NTRK1: variants seen among roughly 807,000 people sequenced by gnomAD.
NTRK1 encodes neurotrophic receptor tyrosine kinase 1.
NTRK1 carries 62 observed loss-of-function variants against 86.8 expected under a neutral mutation model. The ratio of observed to expected loss-of-function variants is 0.71; its 90% CI spans 0.58 to 0.88. The LOEUF (loss-of-function observed/expected upper bound fraction) is 0.88, where lower values mean the gene tolerates loss of function less well. Ranked by LOEUF, NTRK1 falls within the 40% of genes least tolerant of loss-of-function variation. NTRK1 has a pLI of 0.00. For missense variants in NTRK1, 967 were observed against 1,078.4 expected (o/e 0.90, Z 1.45); for synonymous variants, 469 against 456.6 (o/e 1.03, Z -0.35).
intron 2 of NTRK1, among the ~76,000 whole-genome samples, chr1:156,855,208 CTATT>C (rs71593865): frequency 4.0e-5 from 6 of 151,756 alleles, no homozygotes; most frequent in Admixed American, 1.3e-4. Flanking sequence ...ATCTATCTAT[CTATT>C]TATTTATTTG....
intron 2 of NTRK1, chr1:156,844,168 T>A: frequency 6.2e-7 from 1 of 1,607,920 alleles, no homozygotes; most frequent in Non-Finnish European, 8.5e-7. Context: ...GTGGGACTTA[T>A]CATCACCTCT....
rs1385258560 is a variant in NTRK1, at chr1:156,849,572, C to T, written c.50+7379C>T. 3.8e-5 allele frequency: 28 copies of T among 741,416 alleles called. No individual in the cohort carries two copies. The Admixed American group carries it at 5.6e-4, about 15-fold the overall frequency. 45.9% of individuals were successfully genotyped at this position (741,416 alleles called of 1,614,324 possible). ...GTTTTGCTGGGCCCGGGGAGAGGGGCACTCAGTGGCTGGCTCACACCAGCA... is the reference window on the plus strand; with the variant it reads ...GTTTTGCTGGGCCCGGGGAGAGGGGTACTCAGTGGCTGGCTCACACCAGCA... On this transcript the variant is annotated intron_variant, in intron 2 of 16. Coordinates refer to the NTRK1 transcript ENST00000392302.
intron 1 of NTRK1, among the ~76,000 whole-genome samples, chr1:156,832,846 A>G (rs945329155): frequency 1.3e-5 from 2 of 152,206 alleles, no homozygotes; most frequent in Admixed American, 1.3e-4. Flanking sequence ...GCCATGGTGT[A>G]CTGCAATTGT....
rs35116695 is a variant in NTRK1 at position 156,871,683 on chromosome 1, A to G, written c.778A>G (p.Arg260Gly). ...GGCCAATGTCACCAGTGACCTCAAC[A>G]GGAAGAACGTGACGTGCTGGGCAGA... ...TLANVTSDLN[R>G]KNVTCWAEND... The change falls in exon 7 of 17, where the codon AGG becomes GGG. Residue 260 changes from arginine to glycine, a missense_variant. Physicochemically the swap from Arg to Gly is moderately radical, Grantham distance 125 (BLOSUM62 -2). Transcript: ENST00000524377. 6.2e-7 allele frequency: 1 copy of G among 1,614,186 alleles called. No individual in the cohort carries two copies. The highest frequency in any genetic ancestry group is 2.2e-5 in the East Asian group (1 of 44,880).
intron 2 of NTRK1, chr1:156,851,847 C>T (rs746491493): frequency 1.3e-6 from 2 of 1,576,794 alleles, no homozygotes; most frequent in Non-Finnish European, 8.6e-7. Context: ...CTCAGGCCTC[C>T]TCACTGCTCC....
chr1:156,866,580 C>T (rs1463320561), intron 3 of NTRK1, among the ~76,000 whole-genome samples: 14 of 152,202 alleles, frequency 9.2e-5, no homozygotes, highest in Admixed American at 7.2e-4. Flanking sequence ...CTTCCCCCAG[C>T]TGTGGCCTCA....
At position 156,864,432 on chromosome 1, in the gene NTRK1, A is replaced by AG; in HGVS notation, c.287+7dup. On this transcript the variant is annotated splice_donor_region_variant and intron_variant, in intron 2 of 16. Coordinates refer to ENST00000524377, the MANE Select transcript of NTRK1 (RefSeq NM_002529.4). ...GCCTGGGGGAGCTGAGAAACCTGTG[A>AG]GGGAAACGGGGACTGTGGGTGTGGA... is the stretch of plus-strand genomic sequence containing the variant. 6.2e-7 allele frequency: 1 copy of AG among 1,613,154 alleles called. No individual in the cohort carries two copies. The highest frequency in any genetic ancestry group is 8.5e-7 in the Non-Finnish European group (1 of 1,179,366).
rs1366811715 is a variant in NTRK1 at position 156,881,443 on chromosome 1, T to C, written c.2206-14T>C. Reference sequence around the variant, plus strand: ...CCTAGTGGGCTTTCTCCTCTGTCTCTCCGGTGGCCCCAGGCAATCGACTGC... The same window carrying C: ...CCTAGTGGGCTTTCTCCTCTGTCTCCCCGGTGGCCCCAGGCAATCGACTGC... On this transcript the variant is annotated splice_polypyrimidine_tract_variant and intron_variant, in intron 16 of 16. Coordinates refer to ENST00000524377, the MANE Select transcript of NTRK1 (RefSeq NM_002529.4). 6.4e-7 allele frequency: 1 copy of C among 1,554,726 alleles called. No homozygotes were observed. Among genetic ancestry groups the C allele is most frequent in the South Asian group, 1.2e-5 (1 of 84,280 alleles).
At chr1:156,827,955 A>T (rs1402805133) in intron 1 of NTRK1, among the ~76,000 whole-genome samples, 2 of 152,038 alleles carry the variant, frequency 1.3e-5, no homozygotes, top group Non-Finnish European at 2.9e-5. Context: ...ATTTCACAAA[A>T]TGTTATATAG....
upstream of NTRK1, chr1:156,860,858 T>A: frequency 5.1e-6 from 7 of 1,380,388 alleles, no homozygotes; most frequent in African/African-American, 1.5e-5. Context: ...CCAGCGCACA[T>A]GTCGGGGGAG....
intron 1 of NTRK1, among the ~76,000 whole-genome samples, chr1:156,822,325 G>A (rs1654210991): frequency 6.6e-6 from 1 of 152,152 alleles, no homozygotes; most frequent in African/African-American, 2.4e-5. Context: ...GTAGTCAAGA[G>A]TGTTTTTCTC....
chr1:156,826,531 C>T (rs59203803), intron 1 of NTRK1, among the ~76,000 whole-genome samples: 1,842 of 152,016 alleles, frequency 0.012, 40 homozygotes, highest in African/African-American at 0.042. Context: ...CCTCGTGATC[C>T]GCCCGCCTCG....
At chr1:156,827,521 C>A (rs902803749) in intron 1 of NTRK1, among the ~76,000 whole-genome samples, 3 of 152,110 alleles carry the variant, frequency 2.0e-5, no homozygotes, top group Non-Finnish European at 2.9e-5. Context: ...CTCGGCCTCC[C>A]CAAATGCTGA....
rs775966454 is a variant in NTRK1, at chr1:156,881,609, G to A, written c.2358G>A (p.Gln786=). 1.2e-6 allele frequency: 2 copies of A among 1,610,540 alleles called. No individual in the cohort carries two copies. The highest frequency in any genetic ancestry group is 1.7e-6 in the Non-Finnish European group (2 of 1,178,862). The change falls in exon 17 of 17, where the codon CAG becomes CAA. Residue 786 remains glutamine, a synonymous_variant. Coordinates refer to ENST00000524377, the MANE Select transcript of NTRK1 (RefSeq NM_002529.4). ...DVHARLQALA[Q]APPVYLDVLG ...ACGCCCGGCTGCAAGCCCTGGCCCA[G>A]GCACCTCCTGTCTACCTGGATGTCC...
At chr1:156,851,796 G>T (rs773006653) in intron 2 of NTRK1, 7 of 1,605,080 alleles carry the variant, frequency 4.4e-6, no homozygotes, top group South Asian at 2.2e-5. Flanking sequence ...ATGCTAGCAG[G>T]AGCAAGCAGA....
intron 1 of NTRK1, among the ~76,000 whole-genome samples, chr1:156,825,906 T>TC (rs1252587183): frequency 6.6e-6 from 1 of 152,206 alleles, no homozygotes; most frequent in Non-Finnish European, 1.5e-5. Flanking sequence ...ATTATTATTC[T>TC]CCCCACTTTA....
chr1:156,861,114 C>A lies in NTRK1; in HGVS notation c.180C>A (p.His60Gln), dbSNP rs1384007823. 6.3e-7 allele frequency: 1 copy of A among 1,583,514 alleles called. No individual in the cohort carries two copies. Residue 60 changes from histidine (H) to glutamine (Q), a missense_variant, in exon 1 of 17, where the codon CAC becomes CAA. Coordinates refer to ENST00000524377, the MANE Select transcript of NTRK1 (RefSeq NM_002529.4). ...GGGATGGGGCCCTGGATAGCCTCCACCACCTGCCCGGCGCAGAGAACCTGA... is the reference window on the plus strand; with the variant it reads ...GGGATGGGGCCCTGGATAGCCTCCAACACCTGCCCGGCGCAGAGAACCTGA... The part of the protein sequence containing the change: ...CTRDGALDSL[H>Q]HLPGAENLTE...
At chr1:156,861,490 A>C (rs1655652723) in intron 1 of NTRK1, among the ~76,000 whole-genome samples, 1 of 152,216 alleles carries the variant, frequency 6.6e-6, no homozygotes, top group Non-Finnish European at 1.5e-5. Context: ...CCTACAGAGA[A>C]GGATGGTTAC....
At position 156,845,519 on chromosome 1, in the gene NTRK1, A is replaced by T. The variant is rs1654963909; in HGVS notation, c.50+3326A>T. 2.7e-6 allele frequency: 4 copies of T among 1,473,310 alleles called. No individual in the cohort carries two copies. In the Admixed American group the frequency reaches 7.6e-5, roughly 28 times the overall value. The allele number at this position is 1,473,310 out of a possible 1,614,324, so 91.3% of individuals were successfully genotyped here. A position where few individuals can be genotyped will look rare whatever the true frequency, so the allele number is the denominator to read the frequency against. On this transcript the variant is annotated intron_variant, in intron 2 of 16. Coordinates refer to the NTRK1 transcript ENST00000392302. Reference sequence around the variant, plus strand: ...CACCCACAACCCGGGACCCGCCCACACAAGCAAGGCCCCACCCACAAACCC... The same window carrying T: ...CACCCACAACCCGGGACCCGCCCACTCAAGCAAGGCCCCACCCACAAACCC...
Sources: allele counts gnomAD v4.1 joint callset (sites outside exome capture counted in the v4.1 genomes callset), GRCh38; gene constraint gnomAD v4.1.1; transcripts MANE v1.5; gene names NCBI Gene and HGNC (gene_info 2026-07-23, HGNC 2026-07-21).